ZBTB16: variants seen among roughly 807,000 people sequenced by gnomAD.
ZBTB16 encodes the protein zinc finger and BTB domain-containing protein 16.
A neutral mutation model predicts 56.8 loss-of-function variants in ZBTB16; 8 were observed. The observed-to-expected ratio is 0.14, with a 90% CI of 0.08 to 0.25. ZBTB16 has a LOEUF of 0.25. Ranked by LOEUF, ZBTB16 falls within the 10% of genes least tolerant of loss-of-function variation. The probability of loss-of-function intolerance (pLI) is 1.00; values close to 1 mark genes in which losing one functional copy is unlikely to be tolerated. For synonymous variants in ZBTB16, 363 were observed against 368.5 expected, an observed-to-expected ratio of 0.98 and a Z score of 0.17; for missense variants, 625 against 903.0, an observed-to-expected ratio of 0.69 and a Z score of 3.95.
At chr11:114,157,719 G>A (rs1167707745) in intron 3 of ZBTB16, among the ~76,000 whole-genome samples, 1 of 152,106 alleles carries the variant, frequency 6.6e-6, no homozygotes, top group African/African-American at 2.4e-5. Context: ...TCTCTCCCCC[G>A]GCCCTCATGG....
intron 2 of ZBTB16, among the ~76,000 whole-genome samples, chr11:114,075,553 T>TCCAAGTGATTCTCGTGCCTCAGCCTC (rs1939526172): frequency 1.3e-5 from 2 of 151,568 alleles, no homozygotes; most frequent in Non-Finnish European, 2.9e-5. Flanking sequence ...GCCTCCTGGG[T>TCCAAGTGATTCTCGTGCCTCAGCCTC]CCAAGTGATT....
intron 1 of ZBTB16, among the ~76,000 whole-genome samples, chr11:114,062,303 A>G (rs1401482767): frequency 6.6e-6 from 1 of 151,768 alleles, no homozygotes; most frequent in Non-Finnish European, 1.5e-5. Flanking sequence ...GGGCTTCTCC[A>G]TGTTGGTCAG....
chr11:114,131,726 T>G (rs1941665284), intron 2 of ZBTB16, among the ~76,000 whole-genome samples: 1 of 152,204 alleles, frequency 6.6e-6, no homozygotes, highest in South Asian at 2.1e-4. Flanking sequence ...GGTAGCACTT[T>G]CTAATGATGC....
chr11:114,254,476 A>T lies in ZBTB16; in HGVS notation c.*3921A>T, dbSNP rs1225337127. On this transcript the variant is annotated 3_prime_UTR_variant, in exon 7 of 7. Transcript: ENST00000335953. ...GATGCTATTGGTACAATTGCTGTGGATGGAAGAGGGCCATTGAGCTTACCT... is the reference window on the plus strand; with the variant it reads ...GATGCTATTGGTACAATTGCTGTGGTTGGAAGAGGGCCATTGAGCTTACCT... 6.6e-6 allele frequency among the ~76,000 whole-genome samples: 1 copy of T among 152,084 alleles called. No homozygotes were observed. The highest frequency in any genetic ancestry group is 1.5e-5 in the Non-Finnish European group (1 of 67,994).
intron 2 of ZBTB16, among the ~76,000 whole-genome samples, chr11:114,069,320 C>T (rs1206694982): frequency 2.0e-5 from 3 of 152,166 alleles, no homozygotes; most frequent in African/African-American, 7.2e-5. Flanking sequence ...CTCCTGAACT[C>T]GTGATCCACC....
intron 4 of ZBTB16, among the ~76,000 whole-genome samples, chr11:114,202,462 T>A (rs1168607904): frequency 6.6e-6 from 1 of 152,192 alleles, no homozygotes; most frequent in East Asian, 1.9e-4. Context: ...TCCCAGGGCC[T>A]TCTGTGTGAC....
At chr11:114,087,673 G>A (rs993480063) in intron 2 of ZBTB16, among the ~76,000 whole-genome samples, 1 of 152,150 alleles carries the variant, frequency 6.6e-6, no homozygotes, top group Non-Finnish European at 1.5e-5. Context: ...GCAGAGTAGG[G>A]CTCTGATGGG....
intron 4 of ZBTB16, among the ~76,000 whole-genome samples, chr11:114,241,634 T>C (rs1213618421): frequency 1.3e-5 from 2 of 152,178 alleles, no homozygotes; most frequent in Non-Finnish European, 2.9e-5. Flanking sequence ...GGACCACTGC[T>C]CTGTGGGATT....
In ZBTB16 at chr11:114,147,177, CCAG is replaced by C. The variant is rs575389318; in HGVS notation, c.1269-9159_1269-9157del. On this transcript the variant is annotated intron_variant, in intron 2 of 6. Coordinates refer to ENST00000335953, the MANE Select transcript of ZBTB16 (RefSeq NM_006006.6). The stretch of plus-strand genomic sequence containing the variant: ...AAAAGGTTTTCAGAATGGTTTAATT[CCAG>C]AGGAACTTTCTTCTTAGGCCTTTAA... Among the ~76,000 whole-genome samples, 18 of 152,266 alleles carry C rather than the reference CCAG, an allele frequency of 1.2e-4. No individual in the cohort carries two copies. The East Asian group carries it at 3.5e-3, about 29-fold the overall frequency.
chr11:114,068,751 C>G (rs1490649251), intron 2 of ZBTB16, among the ~76,000 whole-genome samples: 2 of 152,198 alleles, frequency 1.3e-5, no homozygotes, highest in Non-Finnish European at 1.5e-5. Context: ...CCCTCCCTTT[C>G]TTATTCCAAA....
intron 5 of ZBTB16, among the ~76,000 whole-genome samples, chr11:114,246,249 G>A (rs1454654978): frequency 6.6e-6 from 1 of 152,188 alleles, no homozygotes; most frequent in African/African-American, 2.4e-5. Context: ...CTGGAGGTAT[G>A]GTGGGCAAGC....
chr11:114,101,594 A>T (rs952076460), intron 2 of ZBTB16, among the ~76,000 whole-genome samples: 1 of 152,210 alleles, frequency 6.6e-6, no homozygotes, highest in Non-Finnish European at 1.5e-5. Context: ...CAGCTTGGCC[A>T]CTTTTAAAAT....
Position 114,117,560 on chromosome 11 carries a change from G to C in ZBTB16, c.1269-38777G>C, listed in dbSNP as rs140903711. 2.6e-3 allele frequency among the ~76,000 whole-genome samples: 388 copies of C among 152,072 alleles called. 3 individuals carry two copies. Among genetic ancestry groups the C allele is most frequent in the African/African-American group, 8.8e-3 (366 of 41,476 alleles). ...GGGGGTGAAGTTTGAGGAAGGAGTT[G>C]GTTGAGACTCCTGAGGTTTTGGCTT... On this transcript the variant is annotated intron_variant, in intron 2 of 6. Transcript: ENST00000335953.
chr11:114,139,885 G>T (rs1013680601), intron 2 of ZBTB16, among the ~76,000 whole-genome samples: 1 of 152,138 alleles, frequency 6.6e-6, no homozygotes. Flanking sequence ...TCCAAGGCCA[G>T]ATGTTCTGTA....
At position 114,177,808 on chromosome 11, in the gene ZBTB16, AT is replaced by A. The variant is rs779543528; in HGVS notation, c.1367-9136del. 3.3e-5 allele frequency among the ~76,000 whole-genome samples: 5 copies of A among 151,922 alleles called. No individual in the cohort carries two copies. The East Asian group carries it at 7.7e-4, about 23-fold the overall frequency. ...CTCTTAGACTTCAGGAATATTTGTA[AT>A]TTTTTTTGGAGACAGAGTATCACTC... On this transcript the variant is annotated intron_variant, in intron 3 of 6. Transcript: ENST00000335953.
At chr11:114,184,075 C>T (rs574583469) in intron 3 of ZBTB16, among the ~76,000 whole-genome samples, 1 of 152,338 alleles carries the variant, frequency 6.6e-6, no homozygotes, top group Admixed American at 6.5e-5. Context: ...ATTTTTAAAG[C>T]TCTTCAGTAA....
chr11:114,192,401 A>G (rs937970467), intron 4 of ZBTB16, among the ~76,000 whole-genome samples: 24 of 152,244 alleles, frequency 1.6e-4, no homozygotes, highest in African/African-American at 5.3e-4. Context: ...GGGAAGTGAC[A>G]GAAACCTATA....
chr11:114,096,624 G>A (rs550741614), intron 2 of ZBTB16, among the ~76,000 whole-genome samples: 1 of 152,212 alleles, frequency 6.6e-6, no homozygotes, highest in African/African-American at 2.4e-5. Flanking sequence ...CTGGTCAGCT[G>A]CATTTCCTGC....
At chr11:114,201,556 G>A (rs1943737824) in intron 4 of ZBTB16, among the ~76,000 whole-genome samples, 1 of 152,210 alleles carries the variant, frequency 6.6e-6, no homozygotes, top group Non-Finnish European at 1.5e-5. Flanking sequence ...CCTTAGGGAT[G>A]CTGATTGCAA....
Sources: allele counts gnomAD v4.1 joint callset (sites outside exome capture counted in the v4.1 genomes callset), GRCh38; gene constraint gnomAD v4.1.1; transcripts MANE v1.5; gene names NCBI Gene and HGNC (gene_info 2026-07-23, HGNC 2026-07-21).